The following DPP6 variants were observed in gnomAD, a reference collection of about 807,000 sequenced individuals.
DPP6 encodes dipeptidyl peptidase like 6.
A neutral mutation model predicts 122.6 loss-of-function variants in DPP6; 69 were observed. The ratio of observed to expected loss-of-function variants is 0.56; its 90% CI spans 0.46 to 0.69. DPP6 has a LOEUF of 0.69. Ranked by LOEUF, DPP6 falls within the 30% of genes least tolerant of loss-of-function variation. The pLI is 0.00. For missense variants in DPP6, 928 were observed against 1,116.9 expected, an observed-to-expected ratio of 0.83 and a Z score of 2.41; for synonymous variants, 418 against 433.1, an observed-to-expected ratio of 0.97 and a Z score of 0.43.
intron 1 of DPP6, among the ~76,000 whole-genome samples, chr7:154,173,559 C>G (rs143849865): frequency 1.1e-4 from 16 of 152,160 alleles, no homozygotes; most frequent in African/African-American, 2.9e-4. Context: ...TTTCCTCCCC[C>G]TTCTCTGTGT....
At chr7:154,522,688 C>A (rs1382743313) in intron 3 of DPP6, among the ~76,000 whole-genome samples, 1 of 138,748 alleles carries the variant, frequency 7.2e-6, no homozygotes, top group Admixed American at 7.0e-5. Context: ...AGCAGAAAAC[C>A]CAGACACGAG....
intron 1 of DPP6, among the ~76,000 whole-genome samples, chr7:154,392,704 G>C (rs985188355): frequency 1.1e-4 from 16 of 152,224 alleles, no homozygotes; most frequent in African/African-American, 3.9e-4. Flanking sequence ...CATTCCCAGA[G>C]CTTTCTGGGT....
intron 1 of DPP6, among the ~76,000 whole-genome samples, chr7:154,101,590 A>T (rs1805727599): frequency 6.6e-6 from 1 of 151,956 alleles, no homozygotes; most frequent in African/African-American, 2.4e-5. Flanking sequence ...CAGGCAAAAA[A>T]ATCCTTTACA....
At chr7:154,308,725 A>AT (rs908613850) in intron 1 of DPP6, among the ~76,000 whole-genome samples, 22 of 152,096 alleles carry the variant, frequency 1.4e-4, no homozygotes, top group Admixed American at 4.6e-4. Flanking sequence ...AAATTAAGGG[A>AT]TTTTTTTTCC....
intron 5 of DPP6, among the ~76,000 whole-genome samples, chr7:154,607,336 G>T (rs1192627394): frequency 8.5e-6 from 1 of 117,522 alleles, no homozygotes; most frequent in Non-Finnish European, 1.9e-5. Context: ...GAGGCAGGCG[G>T]ATCACGAGGT....
intron 16 of DPP6, among the ~76,000 whole-genome samples, chr7:154,849,814 C>T (rs532950495): frequency 6.6e-6 from 1 of 152,112 alleles, no homozygotes; most frequent in African/African-American, 2.4e-5. Context: ...CATAGATGGC[C>T]TTTATTGTAT....
intron 10 of DPP6, among the ~76,000 whole-genome samples, chr7:154,787,832 T>C (rs1452159997): frequency 6.6e-6 from 1 of 152,216 alleles, no homozygotes; most frequent in Non-Finnish European, 1.5e-5. Context: ...GTCTTTTCTC[T>C]TATTCCAGAA....
intron 1 of DPP6, among the ~76,000 whole-genome samples, chr7:153,960,959 G>A (rs575443191): frequency 4.6e-5 from 7 of 152,318 alleles, no homozygotes; most frequent in Middle Eastern, 3.4e-3. Context: ...GGGAAGGATG[G>A]CAGTGCTTCT....
At chr7:153,789,588 G>A in the DPP6 span, among the ~76,000 whole-genome samples, 2 of 152,164 alleles carry the variant, frequency 1.3e-5, no homozygotes, top group Non-Finnish European at 2.9e-5. Flanking sequence ...CTGGATGCTA[G>A]ACTACAAAGT....
chr7:154,214,132 T>A (rs9791906), intron 1 of DPP6, among the ~76,000 whole-genome samples: 94,752 of 152,116 alleles, frequency 0.62, 31,842 homozygotes, highest in Non-Finnish European at 0.74. Context: ...CGCTGTTTAT[T>A]TGAGATGGTG....
intron 16 of DPP6, among the ~76,000 whole-genome samples, chr7:154,826,768 A>G (rs1178327715): frequency 6.6e-6 from 1 of 152,208 alleles, no homozygotes; most frequent in Non-Finnish European, 1.5e-5. Flanking sequence ...TAATGGAGAT[A>G]AAGTAGGATC....
intron 1 of DPP6, among the ~76,000 whole-genome samples, chr7:153,947,502 A>G (rs188848055): frequency 2.4e-4 from 36 of 152,276 alleles, no homozygotes; most frequent in Non-Finnish European, 3.4e-4. Context: ...AAATAATAAT[A>G]ATAATAAGAG....
At chr7:154,739,865 C>T (rs563550030) in intron 8 of DPP6, among the ~76,000 whole-genome samples, 7 of 152,300 alleles carry the variant, frequency 4.6e-5, no homozygotes, top group South Asian at 2.1e-4. Flanking sequence ...GCGGCTTCAG[C>T]GTGGCTGTGT....
intron 1 of DPP6, among the ~76,000 whole-genome samples, chr7:153,895,114 A>T (rs1470035895): frequency 6.6e-6 from 1 of 152,214 alleles, no homozygotes; most frequent in African/African-American, 2.4e-5. Flanking sequence ...AAAGAAATTC[A>T]ATTGTCCTCC....
intron 3 of DPP6, among the ~76,000 whole-genome samples, chr7:154,490,714 A>T (rs1261270648): frequency 6.6e-6 from 1 of 152,172 alleles, no homozygotes; most frequent in Non-Finnish European, 1.5e-5. Context: ...GTTGTATCTA[A>T]CGTGTTGCTG....
At chr7:154,041,324 A>AG (rs1799752840) in intron 1 of DPP6, among the ~76,000 whole-genome samples, 1 of 152,216 alleles carries the variant, frequency 6.6e-6, no homozygotes, top group Admixed American at 6.5e-5. Context: ...ACAAATAATC[A>AG]GGTGGGAAGG....
intron 1 of DPP6, among the ~76,000 whole-genome samples, chr7:154,214,530 C>T (rs1336860059): frequency 2.0e-5 from 3 of 152,180 alleles, no homozygotes; most frequent in South Asian, 2.1e-4. Context: ...CACCTCCAAA[C>T]GCCACCTTGC....
intron 1 of DPP6, among the ~76,000 whole-genome samples, chr7:154,386,199 A>T (rs948376615): frequency 6.6e-6 from 1 of 152,092 alleles, no homozygotes; most frequent in African/African-American, 2.4e-5. Flanking sequence ...ATCTGTATCC[A>T]TGTAGGTTTT....
intron 5 of DPP6, among the ~76,000 whole-genome samples, chr7:154,617,608 G>C (rs1370071632): frequency 6.6e-6 from 1 of 152,186 alleles, no homozygotes; most frequent in African/African-American, 2.4e-5. Flanking sequence ...GCCCGTTGGT[G>C]ACTGCTCGTG....
Sources: gnomAD v4.1 joint callset for allele counts (sites outside exome capture counted in the v4.1 genomes callset) on GRCh38, gnomAD v4.1.1 for gene constraint, MANE v1.5 for transcripts, NCBI Gene and HGNC (gene_info 2026-07-23, HGNC 2026-07-21) for gene names.